PLCE1: variants seen among roughly 807,000 people sequenced by gnomAD.
PLCE1 encodes the protein 1-phosphatidylinositol 4,5-bisphosphate phosphodiesterase epsilon-1.
In PLCE1, 119 loss-of-function variants were observed where a neutral mutation model predicts 242.8. The observed-to-expected ratio is 0.49, with a 90% CI of 0.42 to 0.57. The LOEUF (loss-of-function observed/expected upper bound fraction) is 0.57, where lower values mean the gene tolerates loss of function less well. Among genes scored for constraint, PLCE1 ranks in the 20% least tolerant of loss-of-function variants. The probability of loss-of-function intolerance (pLI) is 0.00; values close to 1 mark genes in which losing one functional copy is unlikely to be tolerated. For synonymous variants in PLCE1, 945 were observed against 1,017.4 expected, an observed-to-expected ratio of 0.93 and a Z score of 1.35; for missense variants, 2,441 against 2,788.8, an observed-to-expected ratio of 0.88 and a Z score of 2.81.
rs1295678856 is a variant in PLCE1 at position 94,186,431 on chromosome 10, A to G, written c.1809+14935A>G. 2.0e-5 allele frequency among the ~76,000 whole-genome samples: 3 copies of G among 152,224 alleles called. No individual in the cohort carries two copies. The East Asian group carries it at 5.8e-4, about 29-fold the overall frequency. On this transcript the variant is annotated intron_variant, in intron 4 of 32. Transcript: ENST00000371380. ...ATAGTATTTTATATTTAAGTCTACT[A>G]CATTTTAATTTTGGGGCATTCAGGC...
intron 4 of PLCE1, 138 bp from the exon 5 acceptor site, chr10:94,227,168 C>T (rs1167759190): frequency 2.2e-5 from 17 of 783,008 alleles, no homozygotes; most frequent in African/African-American, 3.4e-5. Context: ...TGAACCACCA[C>T]GCCCAGCCAG....
chr10:94,301,953 C>T (rs2133581484), intron 24 of PLCE1, among the ~76,000 whole-genome samples: 1 of 152,204 alleles, frequency 6.6e-6, no homozygotes, highest in Non-Finnish European at 1.5e-5. Flanking sequence ...ATGGTGTCTA[C>T]ATAATGCAGA....
chr10:94,067,362 A>T (rs1016012378), intron 2 of PLCE1, among the ~76,000 whole-genome samples: 3 of 152,216 alleles, frequency 2.0e-5, no homozygotes, highest in African/African-American at 7.2e-5. Flanking sequence ...AGAAAGCACC[A>T]TTAAAAGCTC....
chr10:94,088,085 G>A (rs896494358), intron 2 of PLCE1: 1 of 152,158 alleles, frequency 6.6e-6, no homozygotes, highest in Non-Finnish European at 1.5e-5. Flanking sequence ...AATACAAACT[G>A]GTGGTTAGGA....
Position 94,306,568 on chromosome 10 carries a change from G to A in PLCE1, c.5764G>A (p.Glu1922Lys), listed in dbSNP as rs780945870. Residue 1922 changes from glutamate (E) to lysine (K), a missense_variant, in exon 26 of 33, where the codon GAG becomes AAG. Physicochemically the swap from Glu to Lys is moderately conservative, Grantham distance 56. Coordinates refer to ENST00000371380, the MANE Select transcript of PLCE1 (RefSeq NM_016341.4). The surrounding 1 kb of genome is among the most constrained non-coding windows in gnomAD (Gnocchi z 5.7). ...AAACACCCTGAACCCCATGTGGAAC[G>A]AGCAGTTTCTGTTCCACGTTCACTT... is the stretch of plus-strand genomic sequence containing the variant. The part of the protein sequence containing the change: ...HRNTLNPMWN[E>K]QFLFHVHFED... 4.3e-6 allele frequency: 7 copies of A among 1,614,030 alleles called. No homozygotes were observed. Among genetic ancestry groups the A allele is most frequent in the Non-Finnish European group, 5.1e-6 (6 of 1,179,936 alleles).
At chr10:94,180,011 A>G (rs1276519764) in intron 4 of PLCE1, among the ~76,000 whole-genome samples, 2 of 151,878 alleles carry the variant, frequency 1.3e-5, no homozygotes, top group Admixed American at 6.6e-5. Flanking sequence ...TTTTATTATT[A>G]TGATCACCCC....
intron 1 of PLCE1, among the ~76,000 whole-genome samples, chr10:94,000,161 G>A (rs972675737): frequency 2.0e-5 from 3 of 152,194 alleles, no homozygotes; most frequent in Non-Finnish European, 2.9e-5. Flanking sequence ...GAGATTTTGC[G>A]TGAAAGAGGG....
chr10:94,027,730 A>C (rs2061477854), intron 1 of PLCE1, among the ~76,000 whole-genome samples: 1 of 152,194 alleles, frequency 6.6e-6, no homozygotes, highest in South Asian at 2.1e-4. Context: ...CTGAGGCAGG[A>C]GAATCGCTTG....
chr10:94,037,056 T>C (rs2061678837), intron 2 of PLCE1, among the ~76,000 whole-genome samples: 1 of 152,228 alleles, frequency 6.6e-6, no homozygotes, highest in South Asian at 2.1e-4. Flanking sequence ...AAAGCTATAA[T>C]TTAAAAAGGA....
intron 18 of PLCE1, 39 bp from the exon 19 acceptor site, chr10:94,273,522 TA>T: frequency 6.4e-7 from 1 of 1,562,132 alleles, no homozygotes; most frequent in Non-Finnish European, 8.8e-7. Context: ...CAATTATAGA[TA>T]AAAGGCATTG....
intron 7 of PLCE1, among the ~76,000 whole-genome samples, chr10:94,243,134 G>T (rs904052646): frequency 5.9e-5 from 9 of 152,196 alleles, no homozygotes; most frequent in African/African-American, 2.2e-4. Context: ...TCCTCAGCCA[G>T]GTGATCAGTA....
At chr10:94,189,491 G>T (rs2048593546) in intron 4 of PLCE1, among the ~76,000 whole-genome samples, 1 of 152,072 alleles carries the variant, frequency 6.6e-6, no homozygotes, top group South Asian at 2.1e-4. Flanking sequence ...TGAATAAAAA[G>T]ATATAGATGC....
rs1038542326 is a variant in PLCE1 at position 94,272,399 on chromosome 10, C to T, written c.4507-1163C>T. Among the ~76,000 whole-genome samples, 70 of 152,290 alleles carry T rather than the reference C, an allele frequency of 4.6e-4. 1 individual carries two copies. Among genetic ancestry groups the T allele is most frequent in the South Asian group, 2.1e-4 (1 of 4,822 alleles). On this transcript the variant is annotated intron_variant, in intron 18 of 32. Transcript: ENST00000371380. ...GGCTCTTTTTGCCTGACCCTGCAGG[C>T]GGTCACACCTTATGGTTGTCTTCCC...
chr10:94,313,764 A>G (rs1157497125), intron 28 of PLCE1, among the ~76,000 whole-genome samples: 1 of 152,212 alleles, frequency 6.6e-6, no homozygotes. Flanking sequence ...TTATTAATCA[A>G]TCAGAATTTG....
chr10:94,293,718 C>G, intron 23 of PLCE1, 79 bp downstream of exon 23: 2 of 1,497,670 alleles, frequency 1.3e-6, no homozygotes, highest in Non-Finnish European at 1.9e-6. Flanking sequence ...TAAGCACTTC[C>G]CTTGAATTTT....
At chr10:94,156,784 C>T (rs2047446541) in intron 3 of PLCE1, among the ~76,000 whole-genome samples, 1 of 151,980 alleles carries the variant, frequency 6.6e-6, no homozygotes, top group African/African-American at 2.4e-5. Flanking sequence ...TATCCAGGAA[C>T]CCACCAAAAG....
intron 28 of PLCE1, among the ~76,000 whole-genome samples, chr10:94,313,847 C>T (rs898475588): frequency 2.0e-5 from 3 of 152,138 alleles, no homozygotes; most frequent in Admixed American, 6.5e-5. Flanking sequence ...GGATGGGCCA[C>T]GTGGACCAAG....
intron 3 of PLCE1, among the ~76,000 whole-genome samples, chr10:94,159,548 A>G (rs1478024929): frequency 6.6e-6 from 1 of 152,212 alleles, no homozygotes; most frequent in Non-Finnish European, 1.5e-5. Context: ...CAAGTCTACA[A>G]AGTTAATTCA....
At chr10:94,168,371 T>G (rs1285688201) in intron 3 of PLCE1, among the ~76,000 whole-genome samples, 2 of 152,192 alleles carry the variant, frequency 1.3e-5, no homozygotes, top group Admixed American at 1.3e-4. Flanking sequence ...TTCTGGGATG[T>G]TTTTTGTGGT....
Sources: allele counts gnomAD v4.1 joint callset (sites outside exome capture counted in the v4.1 genomes callset), GRCh38; gene constraint gnomAD v4.1.1; non-coding constraint Gnocchi (gnomAD v3.1); transcripts MANE v1.5; gene names NCBI Gene and HGNC (gene_info 2026-07-23, HGNC 2026-07-21).